PITPNM2: variants seen among roughly 807,000 people sequenced by gnomAD.
PITPNM2 encodes membrane-associated phosphatidylinositol transfer protein 2.
Under a neutral mutation model 132.2 loss-of-function variants are expected in PITPNM2, and 35 were observed. The observed-to-expected ratio is 0.26, with a 90% CI of 0.20 to 0.35. The LOEUF (loss-of-function observed/expected upper bound fraction) is 0.35, where lower values mean the gene tolerates loss of function less well. Among genes scored for constraint, PITPNM2 ranks in the 10% least tolerant of loss-of-function variants. PITPNM2 has a pLI of 1.00. For missense variants in PITPNM2, 1,332 were observed against 1,912.0 expected, an observed-to-expected ratio of 0.70 and a Z score of 5.66; for synonymous variants, 738 against 799.2, an observed-to-expected ratio of 0.92 and a Z score of 1.29.
chr12:123,053,481 T>C (rs2040926229), intron 2 of PITPNM2, among the ~76,000 whole-genome samples: 1 of 152,192 alleles, frequency 6.6e-6, no homozygotes, highest in Non-Finnish European at 1.5e-5. Flanking sequence ...TTATTGATAA[T>C]TGTAAATTCA....
Position 122,996,449 on chromosome 12 carries a change from C to G in PITPNM2, c.1782+9G>C, listed in dbSNP as rs111787219. On this transcript the variant is annotated intron_variant, in intron 13 of 25. Coordinates refer to ENST00000320201, the MANE Select transcript of PITPNM2 (RefSeq NM_020845.3). Reference sequence around the variant, plus strand: ...GCCTTGGGGACTGTCTGGGCCCCCACTTGGGTACCTGCATGCTGACCACGC... The same window carrying G: ...GCCTTGGGGACTGTCTGGGCCCCCAGTTGGGTACCTGCATGCTGACCACGC... 1.2e-6 allele frequency: 2 copies of G among 1,612,766 alleles called. No homozygotes were observed. The highest frequency in any genetic ancestry group is 2.7e-5 in the African/African-American group (2 of 74,910).
In PITPNM2 at chr12:123,009,815, C is replaced by T. The variant is rs201557606; in HGVS notation, c.643+35G>A. 9.7e-5 allele frequency: 155 copies of T among 1,595,824 alleles called. No individual in the cohort carries two copies. The African/African-American group carries it at 1.4e-3, about 15-fold the overall frequency. The stretch of plus-strand genomic sequence containing the variant: ...GACAGGAGACAGAGGGGTTGGGTAG[C>T]CCAGCCACTGCCCACCTGGCATGGG... On this transcript the variant is annotated intron_variant, in intron 6 of 25. Coordinates refer to ENST00000320201, the MANE Select transcript of PITPNM2 (RefSeq NM_020845.3). This position sits in a 1 kb window ranked among gnomAD's most constrained non-coding sequence, Gnocchi z 4.8.
intron 3 of PITPNM2, among the ~76,000 whole-genome samples, chr12:123,019,252 G>A (rs61377358): frequency 0.043 from 6,539 of 152,214 alleles, 457 homozygotes; most frequent in African/African-American, 0.15. Context: ...TCAAAATCCC[G>A]TGGGTCAAGG....
Position 122,997,591 on chromosome 12 carries a change from A to G in PITPNM2, c.1225-19T>C, listed in dbSNP as rs374296033. On this transcript the variant is annotated intron_variant, in intron 10 of 25. Coordinates refer to ENST00000320201, the MANE Select transcript of PITPNM2 (RefSeq NM_020845.3). ...CCTCGTCCTGCATGGGTTGGGGGAC[A>G]GTGTCAGCTCCCCAGGGAACCCAGC... The G allele has an allele frequency of 8.6e-5, 137 of 1,600,594 alleles. No homozygotes were observed. Among genetic ancestry groups the G allele is most frequent in the Middle Eastern group, 3.3e-4 (2 of 6,026 alleles).
intron 23 of PITPNM2, 120 bp downstream of exon 23, chr12:122,987,161 C>T: frequency 7.1e-7 from 1 of 1,417,396 alleles, no homozygotes; most frequent in Non-Finnish European, 9.6e-7. Context: ...TCCTTAAGGC[C>T]CAGTGCCCGA....
At position 123,146,333 on chromosome 12, in the gene PITPNM2, G is replaced by T. The variant is rs553339814; in HGVS notation, c.-200+4420C>A. Reference sequence around the variant, plus strand: ...TTAACAGCTGGGCGTGGTGGCTCATGTCTGTAATACCAGCACTTTGGGAGG... The same window carrying T: ...TTAACAGCTGGGCGTGGTGGCTCATTTCTGTAATACCAGCACTTTGGGAGG... On this transcript the variant is annotated intron_variant, in intron 1 of 25. Transcript: ENST00000320201. Among the ~76,000 whole-genome samples, 5 of 152,248 alleles carry T rather than the reference G, an allele frequency of 3.3e-5. No homozygotes were observed. The South Asian group carries it at 1.0e-3, about 32-fold the overall frequency.
rs189237743 is a variant in PITPNM2 at position 123,037,061 on chromosome 12, A to T, written c.-95-2376T>A. 3.4e-3 allele frequency among the ~76,000 whole-genome samples: 516 copies of T among 152,362 alleles called. 4 individuals are homozygous for T. Among genetic ancestry groups the T allele is most frequent in the Non-Finnish European group, 6.3e-3 (429 of 68,040 alleles). ...CCCAGACTCAGCTCCGCCTAGGCCC[A>T]CATGTCTATTCTCACACCTGGCTGG... On this transcript the variant is annotated intron_variant, in intron 2 of 25. Transcript: ENST00000320201.
chr12:122,996,267 T>C (rs1413539302), intron 13 of PITPNM2, among the ~76,000 whole-genome samples, 191 bp downstream of exon 13: 1 of 152,116 alleles, frequency 6.6e-6, no homozygotes, highest in Admixed American at 6.5e-5. Context: ...GTCAGGGGCT[T>C]GGAAAATGTT....
Position 123,016,155 on chromosome 12 carries a change from G to A in PITPNM2, c.79-2113C>T, listed in dbSNP as rs560616768. On this transcript the variant is annotated intron_variant, in intron 3 of 25. Transcript: ENST00000320201. Reference sequence around the variant, plus strand: ...AGCCTGGCCAACATGGTAAAACTCCGTCTCTACTGAAAATACAAAAAGTAG... The same window carrying A: ...AGCCTGGCCAACATGGTAAAACTCCATCTCTACTGAAAATACAAAAAGTAG... Among the ~76,000 whole-genome samples the A allele has an allele frequency of 1.6e-3, 236 of 151,980 alleles. 1 individual carries two copies. Among genetic ancestry groups the A allele is most frequent in the African/African-American group, 3.0e-3 (124 of 41,514 alleles).
intron 1 of PITPNM2, among the ~76,000 whole-genome samples, chr12:123,124,242 G>A (rs942500447): frequency 6.6e-6 from 1 of 152,092 alleles, no homozygotes; most frequent in African/African-American, 2.4e-5. Flanking sequence ...GGGCGACAGA[G>A]TGAGACTCCG....
chr12:123,066,755 C>T (rs1261526166), intron 2 of PITPNM2, among the ~76,000 whole-genome samples: 7 of 152,164 alleles, frequency 4.6e-5, no homozygotes, highest in African/African-American at 1.2e-4. Flanking sequence ...CCTTAAAATA[C>T]GTGTCTGACT....
intron 20 of PITPNM2, 68 bp downstream of exon 20, chr12:122,988,166 C>T: frequency 7.3e-7 from 1 of 1,374,238 alleles, no homozygotes; most frequent in Non-Finnish European, 1.0e-6. Flanking sequence ...ACTCAGTTTC[C>T]TCATCTGGAC....
chr12:123,031,541 C>T lies in PITPNM2; in HGVS notation c.78+2972G>A, dbSNP rs976815547. Among the ~76,000 whole-genome samples, 5 of 152,112 alleles carry T rather than the reference C, an allele frequency of 3.3e-5. No homozygotes were observed. The highest frequency in any genetic ancestry group is 4.8e-5 in the African/African-American group (2 of 41,426). On this transcript the variant is annotated intron_variant, in intron 3 of 25. Coordinates refer to ENST00000320201, the MANE Select transcript of PITPNM2 (RefSeq NM_020845.3). This position sits in a 1 kb window ranked among gnomAD's most constrained non-coding sequence, Gnocchi z 4.5. The stretch of plus-strand genomic sequence containing the variant: ...CAAACACAGCAATTAGTCCTCAGGC[C>T]GGAGACAGCACACACCAAGAACACA...
chr12:123,113,059 A>C (rs548516716), intron 1 of PITPNM2, among the ~76,000 whole-genome samples: 1 of 152,336 alleles, frequency 6.6e-6, no homozygotes. Flanking sequence ...CCTCATCCCC[A>C]CTAAATAAAT....
chr12:123,119,748 C>CT (rs1456706212), intron 1 of PITPNM2, among the ~76,000 whole-genome samples: 1 of 150,756 alleles, frequency 6.6e-6, no homozygotes, highest in Non-Finnish European at 1.5e-5. Flanking sequence ...AATACAGAGG[C>CT]TTTTTTTCTG....
rs73411018 is a variant in PITPNM2, at chr12:122,992,073, G to A, written c.2404+426C>T. On this transcript the variant is annotated intron_variant, in intron 16 of 25. Coordinates refer to ENST00000320201, the MANE Select transcript of PITPNM2 (RefSeq NM_020845.3). This position sits in a 1 kb window ranked among gnomAD's most constrained non-coding sequence, Gnocchi z 6.5. ...CTACCTGGACCTCCCCTGCCCCAAC[G>A]CATCTCCTGCACCCTATCTCGGGGC... Among the ~76,000 whole-genome samples the A allele has an allele frequency of 8.6e-4, 131 of 151,952 alleles. No homozygotes were observed. Among genetic ancestry groups the A allele is most frequent in the African/African-American group, 1.2e-3 (49 of 41,390 alleles).
At chr12:123,103,263 A>G (rs181497465) in intron 2 of PITPNM2, among the ~76,000 whole-genome samples, 18 of 152,230 alleles carry the variant, frequency 1.2e-4, no homozygotes, top group South Asian at 1.0e-3. Context: ...GACCCTGATG[A>G]TACAGGCTCC....
At chr12:123,044,250 C>T (rs956400227) in intron 2 of PITPNM2, among the ~76,000 whole-genome samples, 3 of 152,160 alleles carry the variant, frequency 2.0e-5, no homozygotes, top group African/African-American at 7.2e-5. Flanking sequence ...CTCCCTGAGG[C>T]CACCACCATT....
intron 2 of PITPNM2, among the ~76,000 whole-genome samples, chr12:123,104,523 G>A (rs1033751943): frequency 6.6e-6 from 1 of 152,122 alleles, no homozygotes; most frequent in Non-Finnish European, 1.5e-5. Flanking sequence ...CTTGCCTTAA[G>A]TGATGACATT....
Sources: allele counts gnomAD v4.1 joint callset (sites outside exome capture counted in the v4.1 genomes callset), GRCh38; gene constraint gnomAD v4.1.1; non-coding constraint Gnocchi (gnomAD v3.1); transcripts MANE v1.5; gene names NCBI Gene and HGNC (gene_info 2026-07-23, HGNC 2026-07-21).